The following SLC35D2 variants were observed in gnomAD, a reference collection of about 807,000 sequenced individuals.
SLC35D2 encodes the protein solute carrier family 35 member D2.
In SLC35D2, 43 loss-of-function variants were observed where a neutral mutation model predicts 41.8. The observed-to-expected ratio is 1.03, with a 90% CI of 0.81 to 1.33. The LOEUF is 1.33. SLC35D2 is among the 40% of genes most tolerant of loss of function. SLC35D2 has a pLI of 0.00. For synonymous variants in SLC35D2, 150 were observed against 163.9 expected (o/e 0.92, Z 0.65); for missense variants, 380 against 408.4 (o/e 0.93, Z 0.60).
chr9:96,380,956 A>AG (rs1383324968), intron 1 of SLC35D2, among the ~76,000 whole-genome samples: 1 of 152,162 alleles, frequency 6.6e-6, no homozygotes, highest in East Asian at 1.9e-4. Context: ...TGACGGCCAC[A>AG]GGATCACCAA....
At chr9:96,338,145 AG>A (rs1165696729) in intron 8 of SLC35D2, among the ~76,000 whole-genome samples, 1 of 152,172 alleles carries the variant, frequency 6.6e-6, no homozygotes, top group African/African-American at 2.4e-5. Context: ...AAGTGTCTGA[AG>A]ACTGCCCGTA....
intron 1 of SLC35D2, among the ~76,000 whole-genome samples, chr9:96,368,563 C>G (rs906641889): frequency 6.6e-6 from 1 of 151,758 alleles, no homozygotes; most frequent in Admixed American, 6.6e-5. Flanking sequence ...ACCTCAGCTT[C>G]CTGCCACCCA....
chr9:96,380,139 C>T (rs557075043), intron 1 of SLC35D2, among the ~76,000 whole-genome samples: 3 of 152,198 alleles, frequency 2.0e-5, no homozygotes, highest in Non-Finnish European at 2.9e-5. Flanking sequence ...TCAGGTGATC[C>T]GCCCACCTCA....
At chr9:96,321,436 T>C (rs1343098235) in intron 11 of SLC35D2, 95 bp from the exon 12 acceptor site, 4 of 773,418 alleles carry the variant, frequency 5.2e-6, no homozygotes, top group Admixed American at 4.2e-5. Flanking sequence ...ACCTGCTTCA[T>C]GCGGAGGGAA....
chr9:96,321,966 C>G, intron 11 of SLC35D2, 32 bp downstream of exon 11: 3 of 1,274,202 alleles, frequency 2.4e-6, no homozygotes, highest in Non-Finnish European at 3.4e-6. Context: ...TCTTGTCTTC[C>G]CAAAGCGAGT....
chr9:96,313,722 C>T (rs551133636), exon 12 of SLC35D2, among the ~76,000 whole-genome samples: 76 of 152,342 alleles, frequency 5.0e-4, no homozygotes, highest in African/African-American at 1.8e-3. Flanking sequence ...AGATTAAATT[C>T]TTTACTGCAC....
intron 1 of SLC35D2, 21 bp from the exon 2 acceptor site, chr9:96,368,326 CA>C: frequency 6.3e-7 from 1 of 1,595,798 alleles, no homozygotes; most frequent in African/African-American, 1.3e-5. Context: ...CACAGAACAA[CA>C]AATCAGTTGA....
At chr9:96,376,442 T>TA (rs1357335759) in intron 1 of SLC35D2, among the ~76,000 whole-genome samples, 6 of 151,112 alleles carry the variant, frequency 4.0e-5, no homozygotes, top group Non-Finnish European at 7.4e-5. Context: ...CCGTCTCTAC[T>TA]AAAAAAATAT....
In SLC35D2 at chr9:96,324,130, G is replaced by C; in HGVS notation, c.792C>G (p.Tyr264Ter). ...LMYSTVLCSY[Y>*]NSALTTAVVG... Reference sequence around the variant, plus strand: ...CCACTGCTGTCGTCAGGGCTGAATTGTAATAGCTGCACAGAACCGTGGAGT... The same window carrying C: ...CCACTGCTGTCGTCAGGGCTGAATTCTAATAGCTGCACAGAACCGTGGAGT... Residue 264 changes from tyrosine to a stop codon, truncating the protein, a stop_gained, in exon 10 of 12, where the codon TAC (tyrosine) becomes TAG (stop). Coordinates refer to ENST00000253270, the MANE Select transcript of SLC35D2 (RefSeq NM_007001.3). LOFTEE classifies it high-confidence loss of function. 1 of 1,613,988 alleles carries C rather than the reference G, an allele frequency of 6.2e-7. No individual in the cohort carries two copies. Among genetic ancestry groups the C allele is most frequent in the Non-Finnish European group, 8.5e-7 (1 of 1,179,922 alleles).
chr9:96,330,217 G>T (rs1009016656), intron 9 of SLC35D2, among the ~76,000 whole-genome samples: 1 of 152,186 alleles, frequency 6.6e-6, no homozygotes, highest in Non-Finnish European at 1.5e-5. Flanking sequence ...CATGCCCATG[G>T]CCAATTGGCT....
chr9:96,320,622 T>G (rs753564864), downstream of SLC35D2: 2 of 152,108 alleles, frequency 1.3e-5, no homozygotes, highest in African/African-American at 4.8e-5. Context: ...GAGTCTGGAA[T>G]TGTCCCTTCA....
intron 9 of SLC35D2, among the ~76,000 whole-genome samples, chr9:96,331,437 T>C (rs7028361): frequency 0.18 from 27,997 of 152,068 alleles, 3,044 homozygotes; most frequent in African/African-American, 0.3. Flanking sequence ...CTTGCAAGAA[T>C]GTAGGACTCA....
chr9:96,317,705 G>A (rs1489653495), downstream of SLC35D2, among the ~76,000 whole-genome samples: 1 of 152,140 alleles, frequency 6.6e-6, no homozygotes, highest in African/African-American at 2.4e-5. Context: ...CAAAAAGTAT[G>A]TTGATGCAAC....
Position 96,333,750 on chromosome 9 carries a change from C to G in SLC35D2, c.752+2967G>C, listed in dbSNP as rs137872541. ...AGAGGGTCCACTTCTTGGTTTCCTT[C>G]ATGGAATGGTTAAACGGTGAAGTGC... On this transcript the variant is annotated intron_variant, in intron 9 of 11. Transcript: ENST00000253270. Among the ~76,000 whole-genome samples, 59 of 152,266 alleles carry G rather than the reference C, an allele frequency of 3.9e-4. No homozygotes were observed. In the East Asian group the frequency reaches 0.011, roughly 27 times the overall value.
At position 96,324,158 on chromosome 9, in the gene SLC35D2, A is replaced by C. The variant is rs780001329; in HGVS notation, c.764T>G (p.Met255Arg). ...ATAGCTGCACAGAACCGTGGAGTACATCAGCAGAAACCTGTGACAAGGAAG... is the reference window on the plus strand; with the variant it reads ...ATAGCTGCACAGAACCGTGGAGTACCTCAGCAGAAACCTGTGACAAGGAAG... ...LLSCFLGFLL[M>R]YSTVLCSYYN... The change falls in exon 10 of 12, where the codon ATG becomes AGG. Residue 255 changes from methionine to arginine, a missense_variant. Physicochemically the swap from Met to Arg is moderately conservative, Grantham distance 91. Coordinates refer to ENST00000253270, the MANE Select transcript of SLC35D2 (RefSeq NM_007001.3). The C allele has an allele frequency of 6.2e-7, 1 of 1,613,864 alleles. No individual in the cohort carries two copies. Among genetic ancestry groups the C allele is most frequent in the South Asian group, 1.1e-5 (1 of 91,046 alleles).
chr9:96,355,105 C>T (rs1165331174), intron 4 of SLC35D2, among the ~76,000 whole-genome samples: 2 of 151,282 alleles, frequency 1.3e-5, no homozygotes, highest in Non-Finnish European at 2.9e-5. Flanking sequence ...CTGCAACCTC[C>T]GCCTCCTGGC....
chr9:96,378,405 G>T (rs536022827), intron 1 of SLC35D2, among the ~76,000 whole-genome samples: 1 of 152,110 alleles, frequency 6.6e-6, no homozygotes, highest in African/African-American at 2.4e-5. Flanking sequence ...TCCAGCCTGG[G>T]TGACAGAGTA....
chr9:96,322,026 A>G lies in SLC35D2; in HGVS notation c.886T>C (p.Leu296=). The G allele has an allele frequency of 6.2e-7, 1 of 1,606,678 alleles. No homozygotes were observed. Among genetic ancestry groups the G allele is most frequent in the Non-Finnish European group, 8.5e-7 (1 of 1,173,866 alleles). Residue 296 remains leucine (L), a synonymous_variant, in exon 11 of 12, where the codon TTG becomes CTG. Coordinates refer to ENST00000253270, the MANE Select transcript of SLC35D2 (RefSeq NM_007001.3). ...ILIGGDYIFS[L]LNFVGLNICM... is the part of the protein sequence containing the mutation. ...ATATTTAACCCTACAAAGTTTAACA[A>G]AGAGAAAATGTAGTCTCCACCGATT...
chr9:96,334,844 T>A (rs1025313147), intron 9 of SLC35D2, among the ~76,000 whole-genome samples: 3 of 152,154 alleles, frequency 2.0e-5, no homozygotes, highest in Admixed American at 2.0e-4. Flanking sequence ...GTCACAAGGA[T>A]CACCAGTGAG....
Sources: gnomAD v4.1 joint callset for allele counts (sites outside exome capture counted in the v4.1 genomes callset) on GRCh38, gnomAD v4.1.1 for gene constraint, MANE v1.5 for transcripts, NCBI Gene and HGNC (gene_info 2026-07-23, HGNC 2026-07-21) for gene names.